NOX4: variants seen among roughly 807,000 people sequenced by gnomAD.
NOX4 encodes kidney oxidase-1.
In NOX4, 69 loss-of-function variants were observed where a neutral mutation model predicts 87.6. The ratio of observed to expected loss-of-function variants is 0.79; its 90% CI spans 0.65 to 0.96. The LOEUF is 0.96. Ranked by LOEUF, NOX4 falls within the 40% of genes least tolerant of loss-of-function variation. The pLI is 0.00. For missense variants in NOX4, 680 were observed against 681.5 expected (o/e 1.00, Z 0.02); for synonymous variants, 275 against 238.2 (o/e 1.15, Z -1.42).
intron 13 of NOX4, among the ~76,000 whole-genome samples, chr11:89,345,017 A>G (rs1358812898): frequency 6.6e-6 from 1 of 152,222 alleles, no homozygotes; most frequent in Non-Finnish European, 1.5e-5. Context: ...ATGGTATGGC[A>G]GTTTTAGACC....
chr11:89,579,369 G>T, the NOX4 span, among the ~76,000 whole-genome samples: 1 of 152,104 alleles, frequency 6.6e-6, no homozygotes, highest in Non-Finnish European at 1.5e-5. Context: ...CTCTGGTGGG[G>T]GATGTTGATA....
Position 89,426,451 on chromosome 11 carries a change from G to A in NOX4, c.549-4469C>T, listed in dbSNP as rs146698116. 1.0e-2 allele frequency among the ~76,000 whole-genome samples: 1,518 copies of A among 152,040 alleles called. 22 individuals carry two copies. Among genetic ancestry groups the A allele is most frequent in the Middle Eastern group, 0.051 (15 of 294 alleles). ...TCGCCTCACCTGGGAAGCGCAAGGG[G>A]TCAAGGAATTCCCTTGGCTAGCCAA... On this transcript the variant is annotated intron_variant, in intron 7 of 17. Coordinates refer to ENST00000263317, the MANE Select transcript of NOX4 (RefSeq NM_016931.5).
chr11:89,422,250 GTTA>G (rs1943122256), intron 7 of NOX4, among the ~76,000 whole-genome samples: 1 of 151,920 alleles, frequency 6.6e-6, no homozygotes, highest in African/African-American at 2.4e-5. Flanking sequence ...TTATTTTCAA[GTTA>G]TTATGATATA....
chr11:89,450,658 G>A (rs896790464), intron 3 of NOX4, among the ~76,000 whole-genome samples: 1 of 151,430 alleles, frequency 6.6e-6, no homozygotes, highest in African/African-American at 2.4e-5. Flanking sequence ...TGCCATGCTG[G>A]TGTGCTGCAC....
intron 2 of NOX4, 27 bp downstream of exon 2, chr11:89,490,431 C>A (rs1189358968): frequency 4.0e-6 from 6 of 1,483,098 alleles, no homozygotes; most frequent in Non-Finnish European, 5.7e-6. Context: ...CCCATTCCAC[C>A]AGATTATCCA....
Position 89,457,180 on chromosome 11 carries a change from C to G in NOX4, c.154-5285G>C, listed in dbSNP as rs2135404222. The stretch of plus-strand genomic sequence containing the variant: ...TCCCCATGTGGGCAGACCTCACCTC[C>G]CTTACCCAGCCAGTACGTGTGTGTG... On this transcript the variant is annotated intron_variant, in intron 2 of 17. Coordinates refer to ENST00000263317, the MANE Select transcript of NOX4 (RefSeq NM_016931.5). Among the ~76,000 whole-genome samples, 9 of 152,326 alleles carry G rather than the reference C, an allele frequency of 5.9e-5. No homozygotes were observed. The South Asian group carries it at 1.9e-3, about 32-fold the overall frequency.
At chr11:89,447,112 A>C (rs1288316586) in intron 4 of NOX4, among the ~76,000 whole-genome samples, 1 of 152,178 alleles carries the variant, frequency 6.6e-6, no homozygotes, top group East Asian at 1.9e-4. Context: ...TTAAATAACA[A>C]GCAAGGACAA....
intron 17 of NOX4, among the ~76,000 whole-genome samples, chr11:89,328,383 G>T (rs182433549): frequency 6.6e-6 from 1 of 152,050 alleles, no homozygotes; most frequent in African/African-American, 2.4e-5. Flanking sequence ...TCTCAGAAAC[G>T]TATCACCTTA....
chr11:89,424,055 A>G (rs529796069), intron 7 of NOX4, among the ~76,000 whole-genome samples: 1 of 151,938 alleles, frequency 6.6e-6, no homozygotes, highest in African/African-American at 2.4e-5. Context: ...CCTGGATGAG[A>G]GAGAAAGACC....
chr11:89,408,289 T>A (rs983123855), intron 8 of NOX4, among the ~76,000 whole-genome samples: 12 of 152,204 alleles, frequency 7.9e-5, no homozygotes, highest in Admixed American at 2.0e-4. Context: ...TTTGTTGTGA[T>A]TGTTGTTGAA....
intron 12 of NOX4, 66 bp downstream of exon 12, chr11:89,373,366 C>T: frequency 4.1e-6 from 3 of 730,410 alleles, no homozygotes; most frequent in Non-Finnish European, 6.6e-6. Context: ...TATATTAAAA[C>T]ACATTCAAAT....
intron 12 of NOX4, among the ~76,000 whole-genome samples, chr11:89,366,135 C>T (rs1320797381): frequency 6.6e-6 from 1 of 152,104 alleles, no homozygotes; most frequent in African/African-American, 2.4e-5. Context: ...CCATTCAGTA[C>T]ATTATGTGGT....
the NOX4 span, among the ~76,000 whole-genome samples, chr11:89,571,630 C>G: frequency 6.6e-6 from 1 of 151,586 alleles, no homozygotes. Flanking sequence ...ACTGCCTACT[C>G]TAAGAGCAAT....
At chr11:89,405,580 A>C (rs1414504072) in intron 8 of NOX4, among the ~76,000 whole-genome samples, 1 of 151,912 alleles carries the variant, frequency 6.6e-6, no homozygotes, top group African/African-American at 2.4e-5. Context: ...CCACCAAAGA[A>C]ATATGGATAA....
intron 12 of NOX4, among the ~76,000 whole-genome samples, chr11:89,367,700 C>A (rs1386826725): frequency 6.6e-6 from 1 of 151,976 alleles, no homozygotes; most frequent in Non-Finnish European, 1.5e-5. Context: ...GGCAGGGTGA[C>A]CCATATAAAG....
chr11:89,379,361 G>C (rs936722001), intron 11 of NOX4, among the ~76,000 whole-genome samples: 36 of 151,442 alleles, frequency 2.4e-4, no homozygotes, highest in African/African-American at 8.3e-4. Context: ...GTTAGAGTTG[G>C]GGCTCATCAT....
intron 11 of NOX4, among the ~76,000 whole-genome samples, chr11:89,396,235 G>A (rs1052308644): frequency 6.6e-6 from 1 of 152,056 alleles, no homozygotes; most frequent in African/African-American, 2.4e-5. Flanking sequence ...TTGTAAGTTG[G>A]ATTCCTAGGT....
chr11:89,378,144 C>T (rs1252475051), intron 11 of NOX4, among the ~76,000 whole-genome samples: 1 of 152,138 alleles, frequency 6.6e-6, no homozygotes, highest in African/African-American at 2.4e-5. Flanking sequence ...AAAAACCACC[C>T]ATATTCTTTC....
At chr11:89,438,799 A>C (rs1944259651) in intron 6 of NOX4, among the ~76,000 whole-genome samples, 5 of 24,448 alleles carry the variant, frequency 2.0e-4, no homozygotes, top group Admixed American at 8.2e-4. Flanking sequence ...AGTGTATAAT[A>C]TATTATATAT....
Sources: allele counts gnomAD v4.1 joint callset (sites outside exome capture counted in the v4.1 genomes callset), GRCh38; gene constraint gnomAD v4.1.1; transcripts MANE v1.5; gene names NCBI Gene and HGNC (gene_info 2026-07-23, HGNC 2026-07-21).